Variants in INTS3 observed in about 807,000 individuals in gnomAD.
The protein encoded by INTS3 is SOSS complex subunit A.
A neutral mutation model predicts 146.3 loss-of-function variants in INTS3; 34 were observed. That is an observed-to-expected ratio of 0.23 (90% CI 0.18 to 0.31). The LOEUF (loss-of-function observed/expected upper bound fraction) is 0.31, where lower values mean the gene tolerates loss of function less well. Ranked by LOEUF, INTS3 falls within the 10% of genes least tolerant of loss-of-function variation. The pLI, the probability that INTS3 is intolerant of heterozygous loss-of-function variation, is 1.00. For missense variants in INTS3, 757 were observed against 1,304.2 expected (o/e 0.58, Z 6.46); for synonymous variants, 475 against 494.9 (o/e 0.96, Z 0.53).
chr1:153,728,563 T>C lies in INTS3; in HGVS notation c.-72T>C. On this transcript the variant is annotated 5_prime_UTR_variant, in exon 1 of 30. Coordinates refer to ENST00000318967, the MANE Select transcript of INTS3 (RefSeq NM_023015.5). ...CCTCTTGCCCCCCAGTCCCTGGCAA[T>C]CCAGAGATCCCGATATCTAGGACTG... is the stretch of plus-strand genomic sequence containing the variant. 6.7e-7 allele frequency: 1 copy of C among 1,502,760 alleles called. No individual in the cohort carries two copies. The highest frequency in any genetic ancestry group is 1.3e-5 in the South Asian group (1 of 76,784). 93.1% of individuals were successfully genotyped at this position (1,502,760 alleles called of 1,614,324 possible).
chr1:153,767,956 A>G, intron 21 of INTS3, 129 bp downstream of exon 21: 1 of 839,580 alleles, frequency 1.2e-6, no homozygotes, highest in Non-Finnish European at 1.7e-6. Flanking sequence ...ATTGCTTCCC[A>G]CACTCACAGC....
chr1:153,759,711 G>A (rs1267051578), intron 11 of INTS3, 98 bp downstream of exon 11: 1 of 770,278 alleles, frequency 1.3e-6, no homozygotes, highest in Non-Finnish European at 2.3e-6. Context: ...GCACCGTGGA[G>A]TGGAGGCAGT....
intron 3 of INTS3, among the ~76,000 whole-genome samples, chr1:153,744,223 A>G (rs1246558510): frequency 6.6e-6 from 1 of 152,160 alleles, no homozygotes; most frequent in Non-Finnish European, 1.5e-5. Flanking sequence ...TGGAACATGG[A>G]ACTAGGCAGA....
In INTS3 at chr1:153,767,890, T is replaced by A. The variant is rs1421985524; in HGVS notation, c.2244+63T>A. On this transcript the variant is annotated intron_variant, in intron 21 of 29. Coordinates refer to ENST00000318967, the MANE Select transcript of INTS3 (RefSeq NM_023015.5). ...CAGGAACACACCTCAGTGAACACTC[T>A]GAGTACACACAACCCTGAACCCTCT... The A allele has an allele frequency of 2.0e-6, 3 of 1,491,228 alleles. No individual in the cohort carries two copies. The African/African-American group carries it at 4.2e-5, about 21-fold the overall frequency. The allele number at this position is 1,491,228 out of a possible 1,614,324, so 92.4% of individuals were successfully genotyped here.
Position 153,728,765 on chromosome 1 carries a change from C to A in INTS3, c.131C>A (p.Ala44Asp), listed in dbSNP as rs1670953330. ...CTGCTACTTTCAACCAGTTTGGATG[C>A]CAAGGATGAGTTAGAGGAGGTAGGT... ...GRLLLSTSLD[A>D]KDELEERLER... Residue 44 changes from alanine (A) to aspartate (D), a missense_variant, in exon 1 of 30, where the codon GCC becomes GAC. By Grantham distance (126) the Ala-to-Asp change is moderately radical. Transcript: ENST00000318967. The A allele has an allele frequency of 1.2e-6, 2 of 1,604,468 alleles. No homozygotes were observed. Among genetic ancestry groups the A allele is most frequent in the Non-Finnish European group, 1.7e-6 (2 of 1,175,508 alleles).
intron 9 of INTS3, among the ~76,000 whole-genome samples, chr1:153,756,621 G>A (rs1672171709): frequency 6.6e-6 from 1 of 151,962 alleles, no homozygotes; most frequent in South Asian, 2.1e-4. Flanking sequence ...TTCGAGACCA[G>A]CCTGACCAAC....
chr1:153,737,021 C>T (rs1049996196), intron 1 of INTS3, among the ~76,000 whole-genome samples: 18 of 152,098 alleles, frequency 1.2e-4, no homozygotes, highest in Admixed American at 3.3e-4. Flanking sequence ...CCTACCTCAG[C>T]CTCCCAAAGT....
In INTS3 at chr1:153,772,482, C is replaced by T; in HGVS notation, c.2821+42C>T. 5 of 1,613,900 alleles carry T rather than the reference C, an allele frequency of 3.1e-6. No homozygotes were observed. The Middle Eastern group carries it at 4.9e-4, about 160-fold the overall frequency. On this transcript the variant is annotated intron_variant, in intron 27 of 29. Coordinates refer to ENST00000318967, the MANE Select transcript of INTS3 (RefSeq NM_023015.5). The surrounding 1 kb of genome is among the most constrained non-coding windows in gnomAD (Gnocchi z 4.6). ...CGGCGTCCAGTGTAGACGGTGCTGC[C>T]CTGGCCCAGACTATGCCTGGAGCCA...
In INTS3 at chr1:153,740,647, C is replaced by G; in HGVS notation, c.151-4C>G. On this transcript the variant is annotated splice_region_variant and splice_polypyrimidine_tract_variant and intron_variant, in intron 1 of 29. Transcript: ENST00000318967. ...ACTGTTCATTTTTTCTCACCCCTTCCCAGAGATTGGAAAGGTGTATGAGCA... is the reference window on the plus strand; with the variant it reads ...ACTGTTCATTTTTTCTCACCCCTTCGCAGAGATTGGAAAGGTGTATGAGCA... The G allele has an allele frequency of 6.2e-7, 1 of 1,612,904 alleles. No homozygotes were observed. The highest frequency in any genetic ancestry group is 1.3e-5 in the African/African-American group (1 of 74,968).
Position 153,757,724 on chromosome 1 carries a change from C to T in INTS3, c.1110C>T (p.Pro370=). 2 of 1,613,858 alleles carry T rather than the reference C, an allele frequency of 1.2e-6. No homozygotes were observed. The highest frequency in any genetic ancestry group is 8.5e-7 in the Non-Finnish European group (1 of 1,180,030). Residue 370 remains proline, a synonymous_variant, in exon 10 of 30, where the codon CCC becomes CCT. Coordinates refer to ENST00000318967, the MANE Select transcript of INTS3 (RefSeq NM_023015.5). The surrounding 1 kb of genome is among the most constrained non-coding windows in gnomAD (Gnocchi z 4.0). ...SNEVLSSDIL[P]RWAIIGWLLT... ...AAGTACTGAGTTCAGATATCTTGCCCCGGTGGGCCATCATTGGTTGGCTCC... is the reference window on the plus strand; with the variant it reads ...AAGTACTGAGTTCAGATATCTTGCCTCGGTGGGCCATCATTGGTTGGCTCC...
At chr1:153,744,322 C>T (rs924970656) in intron 3 of INTS3, among the ~76,000 whole-genome samples, 2 of 152,174 alleles carry the variant, frequency 1.3e-5, no homozygotes, top group Non-Finnish European at 2.9e-5. Flanking sequence ...TTCATTTGAA[C>T]AACAAGGTTC....
Position 153,769,825 on chromosome 1 carries a change from C to T in INTS3, c.2370C>T (p.Asp790=), listed in dbSNP as rs750672282. ...GTAACCTGGTTATGTTTCGAAAAGACTCAGTTCTCAACATACTCAGTAAGT... is the reference window on the plus strand; with the variant it reads ...GTAACCTGGTTATGTTTCGAAAAGATTCAGTTCTCAACATACTCAGTAAGT... ...MMGNLVMFRK[D]SVLNILIQSL... is the part of the protein sequence containing the mutation. Residue 790 remains aspartate (D), a synonymous_variant, in exon 23 of 30, where the codon GAC becomes GAT. Transcript: ENST00000318967. 2.5e-6 allele frequency: 4 copies of T among 1,612,054 alleles called. No individual in the cohort carries two copies. The highest frequency in any genetic ancestry group is 2.5e-6 in the Non-Finnish European group (3 of 1,178,224).
intron 9 of INTS3, among the ~76,000 whole-genome samples, chr1:153,755,182 G>C (rs1051522455): frequency 6.6e-6 from 1 of 152,114 alleles, no homozygotes; most frequent in Non-Finnish European, 1.5e-5. Flanking sequence ...AGAATTACTT[G>C]AGCATGTTAA....
chr1:153,729,842 C>T (rs956277396), intron 1 of INTS3, among the ~76,000 whole-genome samples: 1 of 135,056 alleles, frequency 7.4e-6, no homozygotes, highest in Non-Finnish European at 1.5e-5. Context: ...TCCAGCCTGA[C>T]GACAGAGCGA....
intron 15 of INTS3, 111 bp from the exon 16 acceptor site, chr1:153,763,122 G>A (rs1393538563): frequency 7.2e-7 from 1 of 1,383,196 alleles, no homozygotes; most frequent in Non-Finnish European, 1.0e-6. Flanking sequence ...CAGCATTGAG[G>A]AAACAGGTGC....
At chr1:153,752,516 C>A in intron 8 of INTS3, 108 bp downstream of exon 8, 1 of 1,172,304 alleles carries the variant, frequency 8.5e-7, no homozygotes, top group Non-Finnish European at 1.2e-6. Context: ...CTTTGGTGGT[C>A]AGATTTAGGA....
At chr1:153,759,289 A>G (rs1570869092) in intron 10 of INTS3, among the ~76,000 whole-genome samples, 1 of 143,296 alleles carries the variant, frequency 7.0e-6, no homozygotes, top group Admixed American at 6.9e-5. Flanking sequence ...AAAAAAAAAA[A>G]GGTTCGGGGG....
chr1:153,771,636 A>G (rs1342852914), intron 25 of INTS3, among the ~76,000 whole-genome samples, 160 bp from the exon 26 acceptor site: 1 of 151,868 alleles, frequency 6.6e-6, no homozygotes, highest in Non-Finnish European at 1.5e-5. Context: ...GCTTCCACAG[A>G]GGATGAAACC....
chr1:153,761,257 T>G (rs1672371689), intron 13 of INTS3: 3 of 512,226 alleles, frequency 5.9e-6, no homozygotes, highest in Non-Finnish European at 1.0e-5. Context: ...ATGCCTGTAA[T>G]CCCAGCACTT....
Sources: allele counts gnomAD v4.1 joint callset (sites outside exome capture counted in the v4.1 genomes callset), GRCh38; gene constraint gnomAD v4.1.1; non-coding constraint Gnocchi (gnomAD v3.1); transcripts MANE v1.5; gene names NCBI Gene and HGNC (gene_info 2026-07-23, HGNC 2026-07-21).